SORBS2: variants seen among roughly 807,000 people sequenced by gnomAD.
SORBS2 encodes sorbin and SH3 domain containing 2, also known as sorbin and SH3 domain-containing protein 2.
In SORBS2, 46 loss-of-function variants were observed where a neutral mutation model predicts 97.7. The ratio of observed to expected loss-of-function variants is 0.47; its 90% confidence interval spans 0.37 to 0.60. The LOEUF is 0.60. Ranked by LOEUF, SORBS2 falls within the 20% of genes least tolerant of loss-of-function variation. The pLI is 0.00. For synonymous variants in SORBS2, 476 were observed against 473.4 expected (o/e 1.01, Z -0.07); for missense variants, 1,316 against 1,282.3 (o/e 1.03, Z -0.40).
Position 185,692,259 on chromosome 4 carries a change from C to A in SORBS2, c.-197-13437G>T, listed in dbSNP as rs75558390. ...TGTTGAGTATCCACAAGAACCCCCC[C>A]GCACAGCACAACACACTCACAGCTT... On this transcript the variant is annotated intron_variant, in intron 2 of 20. Transcript: ENST00000284776. 4.4e-3 allele frequency among the ~76,000 whole-genome samples: 669 copies of A among 152,326 alleles called. 5 individuals carry two copies. The highest frequency in any genetic ancestry group is 0.015 in the African/African-American group (636 of 41,572).
chr4:185,657,082 T>G (rs2097419379), upstream of SORBS2: 1 of 367,972 alleles, frequency 2.7e-6, no homozygotes, highest in Non-Finnish European at 4.1e-6. Context: ...TTCCATTGTC[T>G]TGTTCCTTCT....
At chr4:185,683,302 C>A (rs1278197458) in intron 2 of SORBS2, among the ~76,000 whole-genome samples, 1 of 151,962 alleles carries the variant, frequency 6.6e-6, no homozygotes, top group Non-Finnish European at 1.5e-5. Flanking sequence ...TATGAAATTG[C>A]ATGTAGTTCA....
chr4:185,662,708 A>G (rs2097539477), intron 4 of SORBS2, among the ~76,000 whole-genome samples: 1 of 152,238 alleles, frequency 6.6e-6, no homozygotes, highest in African/African-American at 2.4e-5. Flanking sequence ...TAGTGAATGA[A>G]TGTTTCCAGA....
chr4:185,674,994 T>C (rs2097771296), intron 4 of SORBS2: 3 of 152,208 alleles, frequency 2.0e-5, no homozygotes, highest in Admixed American at 2.0e-4. Context: ...TAAGCAGGAA[T>C]GGTTTCAAAT....
chr4:185,802,056 C>T (rs1463065316), intron 1 of SORBS2, among the ~76,000 whole-genome samples: 1 of 152,224 alleles, frequency 6.6e-6, no homozygotes, highest in Admixed American at 6.5e-5. Flanking sequence ...AATTAAAATA[C>T]CATTTTCTCT....
At chr4:185,903,672 T>C (rs1451356837) in intron 1 of SORBS2, among the ~76,000 whole-genome samples, 1 of 152,204 alleles carries the variant, frequency 6.6e-6, no homozygotes, top group Non-Finnish European at 1.5e-5. Flanking sequence ...TCTTTGCATT[T>C]GGACTGATAA....
intron 1 of SORBS2, among the ~76,000 whole-genome samples, chr4:185,812,575 C>G (rs1266143468): frequency 6.6e-6 from 1 of 152,176 alleles, no homozygotes; most frequent in Non-Finnish European, 1.5e-5. Flanking sequence ...GAAGCATTGT[C>G]AAAACAAGCC....
At chr4:185,949,821 CTCACAATGCTCACTGACTTT>C (rs2099276320) in intron 1 of SORBS2, among the ~76,000 whole-genome samples, 1 of 152,110 alleles carries the variant, frequency 6.6e-6, no homozygotes, top group East Asian at 1.9e-4. Context: ...CAATAGCATC[CTCACAATGCTCACTGACTTT>C]TCATCATGCG....
intron 1 of SORBS2, among the ~76,000 whole-genome samples, chr4:185,922,997 C>T (rs1013439431): frequency 3.3e-5 from 5 of 152,118 alleles, no homozygotes; most frequent in East Asian, 1.9e-4. Context: ...TTCTAAGAGG[C>T]CTTTGGGAAA....
intron 8 of SORBS2, among the ~76,000 whole-genome samples, chr4:185,619,023 A>G (rs1034867429): frequency 6.6e-6 from 1 of 152,240 alleles, no homozygotes; most frequent in African/African-American, 2.4e-5. Flanking sequence ...TCATAATAAA[A>G]GGACCAGATG....
At chr4:185,599,560 A>T (rs565460208) in intron 12 of SORBS2, among the ~76,000 whole-genome samples, 1 of 152,338 alleles carries the variant, frequency 6.6e-6, no homozygotes, top group East Asian at 1.9e-4. Flanking sequence ...GATTTAAAAA[A>T]AATCCAAATT....
intron 1 of SORBS2, among the ~76,000 whole-genome samples, chr4:185,842,623 G>A (rs899636644): frequency 6.6e-6 from 1 of 152,140 alleles, no homozygotes; most frequent in African/African-American, 2.4e-5. Context: ...GAAGGTAGGA[G>A]TGATGGAGTA....
intron 11 of SORBS2, among the ~76,000 whole-genome samples, chr4:185,612,491 ATTT>A (rs112327583): frequency 3.5e-5 from 4 of 114,890 alleles, no homozygotes; most frequent in Admixed American, 8.4e-5. Flanking sequence ...TTTTATTTCT[ATTT>A]TTTTTTTTTT....
At chr4:185,663,035 A>T (rs899833237) in intron 4 of SORBS2, among the ~76,000 whole-genome samples, 1 of 152,234 alleles carries the variant, frequency 6.6e-6, no homozygotes, top group Admixed American at 6.5e-5. Context: ...GATGTTCAAT[A>T]GGTATCTATT....
intron 2 of SORBS2, among the ~76,000 whole-genome samples, chr4:185,692,361 T>C (rs1193189423): frequency 1.3e-5 from 2 of 152,232 alleles, no homozygotes; most frequent in Non-Finnish European, 2.9e-5. Flanking sequence ...GAGGATAAAT[T>C]TGAAATGAAA....
At chr4:185,821,406 C>T (rs1230050420) in intron 1 of SORBS2, among the ~76,000 whole-genome samples, 1 of 152,092 alleles carries the variant, frequency 6.6e-6, no homozygotes, top group African/African-American at 2.4e-5. Context: ...AATAACAAGC[C>T]ACCATTGAGT....
At chr4:185,681,888 T>C (rs573538732) in intron 2 of SORBS2, among the ~76,000 whole-genome samples, 1 of 152,332 alleles carries the variant, frequency 6.6e-6, no homozygotes, top group South Asian at 2.1e-4. Context: ...TCAGGTTTTA[T>C]TTAAATCCCT....
intron 1 of SORBS2, among the ~76,000 whole-genome samples, chr4:185,943,876 T>C (rs1179838640): frequency 6.6e-6 from 1 of 152,226 alleles, no homozygotes; most frequent in Non-Finnish European, 1.5e-5. Context: ...TATTTTCAAA[T>C]GCTTCTTCAA....
intron 1 of SORBS2, among the ~76,000 whole-genome samples, chr4:185,905,741 C>T (rs1183649465): frequency 6.6e-6 from 1 of 151,988 alleles, no homozygotes; most frequent in African/African-American, 2.4e-5. Flanking sequence ...TGGGATTACA[C>T]ACATGAGCTA....
Sources: allele counts gnomAD v4.1 joint callset (sites outside exome capture counted in the v4.1 genomes callset), GRCh38; gene constraint gnomAD v4.1.1; transcripts MANE v1.5; gene names NCBI Gene and HGNC (gene_info 2026-07-23, HGNC 2026-07-21).